NRG1: variants seen among roughly 807,000 people sequenced by gnomAD.
NRG1 encodes the protein pro-neuregulin-1, membrane-bound isoform.
Under a neutral mutation model 63.8 loss-of-function variants are expected in NRG1, and 18 were observed. That is an observed-to-expected ratio of 0.28 (90% confidence interval 0.19 to 0.42). The LOEUF is 0.42. Ranked by LOEUF, NRG1 falls within the 10% of genes least tolerant of loss-of-function variation. The pLI is 1.00. For missense variants in NRG1, 762 were observed against 814.7 expected (o/e 0.94, Z 0.79); for synonymous variants, 302 against 301.3 (o/e 1.00, Z -0.02).
chr8:32,444,771 G>T (rs942382104), intron 1 of NRG1, among the ~76,000 whole-genome samples: 1 of 152,134 alleles, frequency 6.6e-6, no homozygotes, highest in African/African-American at 2.4e-5. Context: ...TACAAATCCA[G>T]CAATAAAGAA....
intron 1 of NRG1, among the ~76,000 whole-genome samples, chr8:32,037,033 A>C (rs184934536): frequency 2.7e-4 from 41 of 152,244 alleles, no homozygotes; most frequent in African/African-American, 9.6e-4. Flanking sequence ...TTGAGTTTTC[A>C]ATGTTTTTGC....
intron 1 of NRG1, among the ~76,000 whole-genome samples, chr8:31,854,563 C>G (rs938959780): frequency 1.6e-4 from 25 of 152,144 alleles, no homozygotes; most frequent in South Asian, 8.3e-4. Flanking sequence ...AAAAAACCAG[C>G]TCCTGGATTC....
At chr8:32,554,911 T>C in intron 1 of NRG1, among the ~76,000 whole-genome samples, 1 of 111,288 alleles carries the variant, frequency 9.0e-6, no homozygotes, top group East Asian at 2.1e-4. Context: ...AGACTGCTTT[T>C]TTCTTCTCTC....
chr8:32,059,310 G>A (rs979704730), intron 1 of NRG1, among the ~76,000 whole-genome samples: 2 of 151,528 alleles, frequency 1.3e-5, no homozygotes, highest in South Asian at 2.1e-4. Flanking sequence ...TTCTAGAGTC[G>A]TCTTTCTCCC....
intron 1 of NRG1, among the ~76,000 whole-genome samples, chr8:32,003,001 T>C (rs1414004230): frequency 6.6e-6 from 1 of 152,020 alleles, no homozygotes; most frequent in African/African-American, 2.4e-5. Flanking sequence ...CTGAACAAAA[T>C]TTTTAACCCA....
chr8:31,655,224 T>C (rs1805316169), intron 1 of NRG1, among the ~76,000 whole-genome samples: 1 of 152,328 alleles, frequency 6.6e-6, no homozygotes, highest in South Asian at 2.1e-4. Context: ...TTTGTACTGA[T>C]TTCTGGCTTG....
chr8:32,434,541 C>A (rs1818555593), intron 1 of NRG1, among the ~76,000 whole-genome samples: 2 of 152,070 alleles, frequency 1.3e-5, no homozygotes, highest in African/African-American at 4.8e-5. Context: ...AGATCGGGAC[C>A]CACCACTGGG....
At chr8:32,010,161 C>T (rs1372666169) in intron 1 of NRG1, among the ~76,000 whole-genome samples, 1 of 152,002 alleles carries the variant, frequency 6.6e-6, no homozygotes, top group African/African-American at 2.4e-5. Context: ...CTTCATACCC[C>T]AAATTAGGTG....
chr8:32,659,148 T>TTTC lies in NRG1; in HGVS notation c.502+42265_502+42266insCTT, dbSNP rs199525187. ...TAATAAATCTTTTCTTTTCTTTTCT[T>TTTC]TTTTTTTTTTTTTTGAGACAGAGTC... On this transcript the variant is annotated intron_variant, in intron 5 of 11. Coordinates refer to ENST00000356819, the Ensembl canonical transcript of NRG1. Among the ~76,000 whole-genome samples, 71 of 135,272 alleles carry TTTC rather than the reference T, an allele frequency of 5.2e-4. 2 individuals carry two copies. The highest frequency in any genetic ancestry group is 4.8e-3 in the Admixed American group (67 of 14,034). The allele number at this position is 135,272 out of a possible 152,430, so 88.7% of individuals were successfully genotyped here.
intron 5 of NRG1, among the ~76,000 whole-genome samples, chr8:32,727,458 C>T (rs953491355): frequency 2.0e-5 from 3 of 152,096 alleles, no homozygotes; most frequent in Admixed American, 1.3e-4. Context: ...AATAAGCCAA[C>T]TTGTGTTTCT....
At chr8:31,928,121 G>A (rs1379065649) in intron 1 of NRG1, among the ~76,000 whole-genome samples, 1 of 151,514 alleles carries the variant, frequency 6.6e-6, no homozygotes, top group Non-Finnish European at 1.5e-5. Context: ...AGAGTTAGCA[G>A]GATATGGTTG....
chr8:32,352,516 G>A (rs1000066178), intron 1 of NRG1, among the ~76,000 whole-genome samples: 1 of 152,122 alleles, frequency 6.6e-6, no homozygotes, highest in Non-Finnish European at 1.5e-5. Flanking sequence ...AGCAATTTGC[G>A]GGAAATTAAA....
intron 1 of NRG1, among the ~76,000 whole-genome samples, chr8:32,300,771 A>T (rs1211710404): frequency 6.6e-6 from 1 of 152,200 alleles, no homozygotes; most frequent in Non-Finnish European, 1.5e-5. Flanking sequence ...TTCACTGGCT[A>T]TTTAGGGGGT....
intron 1 of NRG1, among the ~76,000 whole-genome samples, chr8:32,093,623 G>A (rs574038098): frequency 6.6e-6 from 1 of 152,268 alleles, no homozygotes; most frequent in African/African-American, 2.4e-5. Context: ...GAGGAGAGGT[G>A]TTTCTGTTTG....
At chr8:32,183,915 G>A (rs1335507565) in intron 1 of NRG1, among the ~76,000 whole-genome samples, 2 of 152,136 alleles carry the variant, frequency 1.3e-5, no homozygotes, top group Non-Finnish European at 2.9e-5. Context: ...TCTTCTTGGG[G>A]CATTCACAAT....
Position 32,158,302 on chromosome 8 carries a change from C to T in NRG1, c.38-437526C>T, listed in dbSNP as rs187543830. 3.1e-3 allele frequency among the ~76,000 whole-genome samples: 475 copies of T among 151,376 alleles called. 1 individual carries two copies. The highest frequency in any genetic ancestry group is 0.024 in the South Asian group (112 of 4,742). On this transcript the variant is annotated intron_variant, in intron 1 of 10. Coordinates refer to the NRG1 transcript ENST00000519301. Reference sequence around the variant, plus strand: ...GGTACTTTTAAACTCTCTACTTATCCGTCTGGGGTGCCATGTGTTATTTGC... The same window carrying T: ...GGTACTTTTAAACTCTCTACTTATCTGTCTGGGGTGCCATGTGTTATTTGC...
chr8:31,747,967 G>A (rs555905856), intron 1 of NRG1, among the ~76,000 whole-genome samples: 2 of 152,024 alleles, frequency 1.3e-5, no homozygotes, highest in Non-Finnish European at 2.9e-5. Flanking sequence ...GTAGTCTTTG[G>A]TTGAATTTAT....
chr8:32,538,714 G>A (rs915337265), intron 1 of NRG1, among the ~76,000 whole-genome samples: 5 of 152,162 alleles, frequency 3.3e-5, no homozygotes, highest in African/African-American at 9.7e-5. Flanking sequence ...CAATCATTCC[G>A]AAGCTGAATT....
intron 1 of NRG1, among the ~76,000 whole-genome samples, chr8:32,242,360 G>C (rs2347064): frequency 0.75 from 113,323 of 151,936 alleles, 43,339 homozygotes; most frequent in African/African-American, 0.91. Flanking sequence ...TATAATCCCA[G>C]CTACTCAGGA....
Sources: allele counts gnomAD v4.1 joint callset (sites outside exome capture counted in the v4.1 genomes callset), GRCh38; gene constraint gnomAD v4.1.1; transcripts MANE v1.5; gene names NCBI Gene and HGNC (gene_info 2026-07-23, HGNC 2026-07-21).